The following FAM169A variants were observed in gnomAD, a reference collection of about 807,000 sequenced individuals.
FAM169A encodes the protein family with sequence similarity 169 member A, also known as soluble lamin-associated protein of 75 kDa.
Under a neutral mutation model 75.7 loss-of-function variants are expected in FAM169A, and 24 were observed. That is an observed-to-expected ratio of 0.32 (90% confidence interval 0.23 to 0.45). The LOEUF (loss-of-function observed/expected upper bound fraction) is 0.45. FAM169A is among the 20% of genes least tolerant of loss of function. FAM169A has a pLI of 1.00. For missense variants in FAM169A, 673 were observed against 784.0 expected (o/e 0.86, Z 1.69); for synonymous variants, 271 against 271.0 (o/e 1.00, Z 0.00).
intron 5 of FAM169A, among the ~76,000 whole-genome samples, chr5:74,817,489 G>A (rs1747531018): frequency 6.6e-6 from 1 of 151,850 alleles, no homozygotes; most frequent in African/African-American, 2.4e-5. Flanking sequence ...TACAAAACTT[G>A]TACAATAGAG....
chr5:74,842,447 A>T (rs1259208510), intron 1 of FAM169A, among the ~76,000 whole-genome samples: 3 of 148,260 alleles, frequency 2.0e-5, no homozygotes, highest in Non-Finnish European at 4.5e-5. Context: ...AAAAAAAAAA[A>T]AAAAAAAAAT....
intron 11 of FAM169A, among the ~76,000 whole-genome samples, chr5:74,790,294 C>T (rs1745908059): frequency 6.6e-6 from 1 of 152,188 alleles, no homozygotes; most frequent in Admixed American, 6.5e-5. Context: ...TAGCCCCTTT[C>T]CTGAAGGACA....
intron 3 of FAM169A, among the ~76,000 whole-genome samples, chr5:74,839,475 T>C (rs772037567): frequency 1.3e-5 from 2 of 152,116 alleles, no homozygotes; most frequent in Non-Finnish European, 2.9e-5. Context: ...TGATTGCAAG[T>C]TTCCTGGTGG....
chr5:74,796,198 A>G lies in FAM169A; in HGVS notation c.1104-12T>C. 6.3e-7 allele frequency: 1 copy of G among 1,593,686 alleles called. No individual in the cohort carries two copies. The highest frequency in any genetic ancestry group is 8.5e-7 in the Non-Finnish European group (1 of 1,174,060). ...CAGTAGACTCCAATCTAAAAAACAA[A>G]AGAAAACCATTCTGACTTGTTTTAT... On this transcript the variant is annotated splice_polypyrimidine_tract_variant and intron_variant, in intron 10 of 12. Transcript: ENST00000687041.
rs61729972 is a variant in FAM169A at position 74,813,868 on chromosome 5, C to A, written c.642G>T (p.Arg214=). Residue 214 remains arginine (R), a synonymous_variant, in exon 6 of 13, where the codon CGG becomes CGT. Transcript: ENST00000687041. ...TATACATGAGAGAAGACAGTGGATACCGCAAGCCAAGCGCATCTTCTGTAA... is the reference window on the plus strand; with the variant it reads ...TATACATGAGAGAAGACAGTGGATAACGCAAGCCAAGCGCATCTTCTGTAA... ...DSFTEDALGL[R]YPLSSLMYTA... The A allele has an allele frequency of 8.1e-3, 12,939 of 1,595,872 alleles. 72 individuals are homozygous for A. Among genetic ancestry groups the A allele is most frequent in the Middle Eastern group, 0.016 (93 of 5,984 alleles).
In FAM169A at chr5:74,780,748, TA is replaced by T. The variant is rs560342775; in HGVS notation, c.*711del. The T allele has an allele frequency of 2.5e-4, 38 of 152,292 alleles. No homozygotes were observed. The highest frequency in any genetic ancestry group is 8.7e-4 in the African/African-American group (36 of 41,578). 9.4% of individuals were successfully genotyped at this position (152,292 alleles called of 1,614,324 possible). The stretch of plus-strand genomic sequence containing the variant: ...CTAATACTTCAAATGAAATTTTAAA[TA>T]ATTAGTCCCCACATGCCACAGTTAA... On this transcript the variant is annotated 3_prime_UTR_variant, in exon 13 of 13. Transcript: ENST00000687041.
chr5:74,866,798 C>T, upstream of FAM169A: 3 of 985,562 alleles, frequency 3.0e-6, no homozygotes, highest in Non-Finnish European at 3.6e-6. Flanking sequence ...TCCAGCCCCG[C>T]GTAGGCCCTC....
At chr5:74,819,523 T>C (rs1259471905) in intron 5 of FAM169A, among the ~76,000 whole-genome samples, 2 of 152,170 alleles carry the variant, frequency 1.3e-5, no homozygotes, top group Non-Finnish European at 2.9e-5. Flanking sequence ...GGAGTTACCA[T>C]ATGACCCAGC....
At chr5:74,855,033 AAACT>A (rs1749638029) in intron 1 of FAM169A, among the ~76,000 whole-genome samples, 1 of 152,158 alleles carries the variant, frequency 6.6e-6, no homozygotes, top group East Asian at 1.9e-4. Flanking sequence ...AGGAACCTTT[AAACT>A]GTTCTCCATA....
At position 74,862,415 on chromosome 5, in the gene FAM169A, T is replaced by A. The variant is rs114251016; in HGVS notation, c.-4+3750A>T. ...CATTTGCTGGGACTGTCTCTCGTCA[T>A]ATCCCACATCCCCAAAAGCTTCTGA... On this transcript the variant is annotated intron_variant, in intron 1 of 12. Transcript: ENST00000687041. Among the ~76,000 whole-genome samples the A allele has an allele frequency of 4.9e-3, 739 of 152,308 alleles. 8 individuals carry two copies. Among genetic ancestry groups the A allele is most frequent in the African/African-American group, 0.017 (710 of 41,568 alleles).
intron 5 of FAM169A, among the ~76,000 whole-genome samples, chr5:74,831,575 C>G (rs1193556072): frequency 2.0e-5 from 3 of 152,086 alleles, no homozygotes; most frequent in African/African-American, 7.2e-5. Flanking sequence ...TTGGGCAACC[C>G]TAATCCAAAC....
chr5:74,819,330 T>C (rs1747653302), intron 5 of FAM169A, among the ~76,000 whole-genome samples: 1 of 150,950 alleles, frequency 6.6e-6, no homozygotes, highest in South Asian at 2.1e-4. Flanking sequence ...ACCAGGAAAA[T>C]GCAAATCAAA....
intron 6 of FAM169A, among the ~76,000 whole-genome samples, chr5:74,810,531 C>T (rs1054642113): frequency 9.2e-5 from 14 of 151,842 alleles, no homozygotes; most frequent in African/African-American, 3.1e-4. Flanking sequence ...GGGTGGATCA[C>T]GAGGTCGGGA....
Position 74,814,019 on chromosome 5 carries a change from C to T in FAM169A, c.491G>A (p.Gly164Glu). 6.5e-7 allele frequency: 1 copy of T among 1,541,002 alleles called. No individual in the cohort carries two copies. Among genetic ancestry groups the T allele is most frequent in the East Asian group, 2.3e-5 (1 of 42,980 alleles). Residue 164 changes from glycine to glutamate, a missense_variant and splice_region_variant, in exon 6 of 13, where the codon GGA becomes GAA. Coordinates refer to ENST00000687041, the MANE Select transcript of FAM169A (RefSeq NM_001376049.1). The part of the protein sequence containing the change: ...AIGFYSVKPT[G>E]SICASFLTQS... ...GGTAAGAAAAGAGGCACATATGCTTCCTGCAGTAATAAGAACAGAAACCCA... is the reference window on the plus strand; with the variant it reads ...GGTAAGAAAAGAGGCACATATGCTTTCTGCAGTAATAAGAACAGAAACCCA...
chr5:74,823,313 T>G (rs1747857022), intron 5 of FAM169A, among the ~76,000 whole-genome samples: 1 of 152,284 alleles, frequency 6.6e-6, no homozygotes. Flanking sequence ...TATATTTATA[T>G]TCCATTCATG....
At chr5:74,816,466 A>AAGC (rs1747477178) in intron 5 of FAM169A, among the ~76,000 whole-genome samples, 2 of 152,196 alleles carry the variant, frequency 1.3e-5, no homozygotes, top group South Asian at 4.1e-4. Context: ...TTTATGGAAC[A>AAGC]AGCAGTGTGT....
intron 4 of FAM169A, among the ~76,000 whole-genome samples, chr5:74,836,943 CA>C (rs34901874): frequency 0.48 from 63,347 of 132,850 alleles, 14,989 homozygotes; most frequent in African/African-American, 0.69. Context: ...AAGCCTGTGT[CA>C]AAAAAAAAAA....
intron 1 of FAM169A, among the ~76,000 whole-genome samples, chr5:74,858,921 A>T (rs900201694): frequency 6.6e-6 from 1 of 152,154 alleles, no homozygotes; most frequent in African/African-American, 2.4e-5. Context: ...CCATTTTTAA[A>T]AACAAAACAA....
intron 12 of FAM169A, among the ~76,000 whole-genome samples, chr5:74,782,280 A>G (rs1227051554): frequency 6.6e-6 from 1 of 152,194 alleles, no homozygotes; most frequent in African/African-American, 2.4e-5. Flanking sequence ...AGACACATTA[A>G]GCTTCATATC....
Sources: gnomAD v4.1 joint callset for allele counts (sites outside exome capture counted in the v4.1 genomes callset) on GRCh38, gnomAD v4.1.1 for gene constraint, MANE v1.5 for transcripts, NCBI Gene and HGNC (gene_info 2026-07-23, HGNC 2026-07-21) for gene names.